Variants in RBMS3 observed in about 807,000 individuals in gnomAD.
The protein encoded by RBMS3 is RNA-binding motif, single-stranded-interacting protein 3.
A neutral mutation model predicts 66.8 loss-of-function variants in RBMS3; 27 were observed. That is an observed-to-expected ratio of 0.40 (90% CI 0.30 to 0.56). RBMS3 has a LOEUF of 0.56. RBMS3 is among the 20% of genes least tolerant of loss of function. The pLI is 0.40. For missense variants in RBMS3, 513 were observed against 549.5 expected (o/e 0.93, Z 0.66); for synonymous variants, 188 against 183.0 (o/e 1.03, Z -0.22).
chr3:29,485,425 A>C (rs2043285027), intron 2 of RBMS3, among the ~76,000 whole-genome samples: 1 of 152,104 alleles, frequency 6.6e-6, no homozygotes, highest in African/African-American at 2.4e-5. Flanking sequence ...ATCATTAGAG[A>C]CCTGGCTGTA....
In RBMS3 at chr3:29,666,722, A is replaced by T. The variant is rs916441356; in HGVS notation, c.400-72998A>T. Among the ~76,000 whole-genome samples the T allele has an allele frequency of 7.9e-5, 12 of 152,338 alleles. No individual in the cohort carries two copies. The East Asian group carries it at 1.3e-3, about 17-fold the overall frequency. On this transcript the variant is annotated intron_variant, in intron 4 of 14. Transcript: ENST00000383767. ...TTTGCATCATCGGCATTAATTTCATAACTTTTTAGGAAAAGCTATATGAAT... is the reference window on the plus strand; with the variant it reads ...TTTGCATCATCGGCATTAATTTCATTACTTTTTAGGAAAAGCTATATGAAT...
intron 1 of RBMS3, among the ~76,000 whole-genome samples, chr3:29,315,103 A>T (rs1228629533): frequency 6.6e-6 from 1 of 151,822 alleles, no homozygotes; most frequent in Non-Finnish European, 1.5e-5. Context: ...CAGATAAATT[A>T]GACACTATTG....
intron 4 of RBMS3, among the ~76,000 whole-genome samples, chr3:29,724,753 A>C (rs2053783892): frequency 6.6e-6 from 1 of 152,180 alleles, no homozygotes; most frequent in African/African-American, 2.4e-5. Context: ...TCAAATCATC[A>C]TTTTAAGGAA....
Position 29,306,813 on chromosome 3 carries a change from C to A in RBMS3, c.75+25057C>A, listed in dbSNP as rs147914377. On this transcript the variant is annotated intron_variant, in intron 1 of 14. Coordinates refer to ENST00000383767, the MANE Select transcript of RBMS3 (RefSeq NM_001003793.3). ...CGTTTGACTGGAGTCTTTCTCAGTT[C>A]TTTTTGCCCTGTTTCTACCTTCCAT... 8.2e-4 allele frequency among the ~76,000 whole-genome samples: 125 copies of A among 151,910 alleles called. 1 individual carries two copies. Among genetic ancestry groups the A allele is most frequent in the African/African-American group, 2.9e-3 (119 of 41,498 alleles).
intron 2 of RBMS3, among the ~76,000 whole-genome samples, chr3:29,459,459 C>A (rs2125776659): frequency 6.6e-6 from 1 of 152,208 alleles, no homozygotes; most frequent in Non-Finnish European, 1.5e-5. Flanking sequence ...TATTTATTAT[C>A]CACCTGTTTA....
At chr3:29,995,240 G>A (rs1699141032) in intron 14 of RBMS3, among the ~76,000 whole-genome samples, 1 of 152,020 alleles carries the variant, frequency 6.6e-6, no homozygotes, top group Admixed American at 6.5e-5. Flanking sequence ...AATGAGCAAA[G>A]CCTCCAAGAA....
intron 1 of RBMS3, among the ~76,000 whole-genome samples, chr3:29,354,584 GAC>G (rs112339471): frequency 0.068 from 10,272 of 151,792 alleles, 402 homozygotes; most frequent in African/African-American, 0.099. Context: ...CACACACACA[GAC>G]ACACACACAC....
At chr3:29,597,393 T>C (rs1161666720) in intron 4 of RBMS3, among the ~76,000 whole-genome samples, 1 of 152,194 alleles carries the variant, frequency 6.6e-6, no homozygotes, top group African/African-American at 2.4e-5. Flanking sequence ...CACTATGATG[T>C]GTATCACTTG....
At chr3:29,828,472 A>C (rs968611101) in intron 6 of RBMS3, among the ~76,000 whole-genome samples, 18 of 152,350 alleles carry the variant, frequency 1.2e-4, no homozygotes, top group African/African-American at 4.1e-4. Flanking sequence ...ACAATGCAAC[A>C]AGCATATTAT....
intron 4 of RBMS3, among the ~76,000 whole-genome samples, chr3:29,704,109 A>G (rs988875061): frequency 3.3e-5 from 5 of 152,194 alleles, no homozygotes; most frequent in Non-Finnish European, 2.9e-5. Flanking sequence ...CATTGATTCT[A>G]CATTAGAGTG....
At chr3:29,594,798 T>C (rs2047885386) in intron 4 of RBMS3, among the ~76,000 whole-genome samples, 1 of 152,230 alleles carries the variant, frequency 6.6e-6, no homozygotes, top group South Asian at 2.1e-4. Flanking sequence ...ATCTTAATCC[T>C]ATTCATTAAT....
intron 6 of RBMS3, among the ~76,000 whole-genome samples, chr3:29,859,952 C>T (rs2059173349): frequency 6.6e-6 from 1 of 152,086 alleles, no homozygotes; most frequent in Non-Finnish European, 1.5e-5. Context: ...GCATAGGGCA[C>T]ATGTGGAAAA....
chr3:29,886,751 C>G (rs1199765847), intron 8 of RBMS3, among the ~76,000 whole-genome samples: 1 of 150,446 alleles, frequency 6.6e-6, no homozygotes, highest in Non-Finnish European at 1.5e-5. Context: ...ATAATGAAGA[C>G]TATATTGGAG....
At position 29,446,007 on chromosome 3, in the gene RBMS3, G is replaced by A. The variant is rs1279417202; in HGVS notation, c.248+11092G>A. Reference sequence around the variant, plus strand: ...AAAATGCATGTACCTATGTAGCCACGACAACAATCAAGATATAAAACATTT... The same window carrying A: ...AAAATGCATGTACCTATGTAGCCACAACAACAATCAAGATATAAAACATTT... On this transcript the variant is annotated intron_variant, in intron 2 of 14. Transcript: ENST00000383767. Among the ~76,000 whole-genome samples, 7 of 152,168 alleles carry A rather than the reference G, an allele frequency of 4.6e-5. No individual in the cohort carries two copies. The East Asian group carries it at 5.8e-4, about 13-fold the overall frequency.
At chr3:29,674,546 G>A (rs944527374) in intron 4 of RBMS3, among the ~76,000 whole-genome samples, 12 of 151,970 alleles carry the variant, frequency 7.9e-5, no homozygotes, top group Admixed American at 2.0e-4. Flanking sequence ...GATAAGCAAC[G>A]TCAGCAGAGT....
chr3:29,467,358 A>G (rs1055386212), intron 2 of RBMS3, among the ~76,000 whole-genome samples: 3 of 152,158 alleles, frequency 2.0e-5, no homozygotes, highest in African/African-American at 7.2e-5. Context: ...ACACAAAATT[A>G]ATTTCTCCTT....
intron 3 of RBMS3, among the ~76,000 whole-genome samples, chr3:29,519,988 T>C (rs2044791349): frequency 6.6e-6 from 1 of 152,218 alleles, no homozygotes; most frequent in Non-Finnish European, 1.5e-5. Flanking sequence ...TATAAGTATT[T>C]TTATTATAAT....
rs1417709073 is a variant in RBMS3, at chr3:29,897,426, A to G, written c.839A>G (p.Gln280Arg). 1 of 1,611,250 alleles carries G rather than the reference A, an allele frequency of 6.2e-7. No homozygotes were observed. Among genetic ancestry groups the G allele is most frequent in the African/African-American group, 1.3e-5 (1 of 74,762 alleles). Residue 280 changes from glutamine (Q) to arginine (R), a missense_variant, in exon 9 of 15, where the codon CAG becomes CGG. Transcript: ENST00000383767. The part of the protein sequence containing the change: ...YSIATNRMIP[Q>R]TSITPFIAAS... ...ATTGCAACCAACCGCATGATTCCAC[A>G]GACATCTATCACGCCATTCATTGCT...
At chr3:29,853,560 T>G (rs1220076513) in intron 6 of RBMS3, among the ~76,000 whole-genome samples, 2 of 151,014 alleles carry the variant, frequency 1.3e-5, no homozygotes, top group African/African-American at 4.9e-5. Context: ...TCATTGTCCC[T>G]CCCCCTGTGC....
Sources: gnomAD v4.1 joint callset for allele counts (sites outside exome capture counted in the v4.1 genomes callset) on GRCh38, gnomAD v4.1.1 for gene constraint, MANE v1.5 for transcripts, NCBI Gene and HGNC (gene_info 2026-07-23, HGNC 2026-07-21) for gene names.